Variants in PSPC1 observed in about 807,000 individuals in gnomAD.
The protein encoded by PSPC1 is paraspeckle component 1.
In PSPC1, 14 loss-of-function variants were observed where a neutral mutation model predicts 51.6. That is an observed-to-expected ratio of 0.27 (90% CI 0.18 to 0.42). The LOEUF (loss-of-function observed/expected upper bound fraction) is 0.42, where lower values mean the gene tolerates loss of function less well. Ranked by LOEUF, PSPC1 falls within the 10% of genes least tolerant of loss-of-function variation. The probability of loss-of-function intolerance (pLI) is 1.00; values close to 1 mark genes in which losing one functional copy is unlikely to be tolerated. For missense variants in PSPC1, 406 were observed against 701.1 expected (o/e 0.58, Z 4.75); for synonymous variants, 193 against 231.9 (o/e 0.83, Z 1.53).
chr13:19,780,977 C>T (rs1003833216), intron 1 of PSPC1, among the ~76,000 whole-genome samples: 1 of 151,690 alleles, frequency 6.6e-6, no homozygotes, highest in Non-Finnish European at 1.5e-5. Context: ...GACAACATGG[C>T]GAAACACCGC....
At chr13:19,716,013 C>CA (rs1462995418) in intron 6 of PSPC1, among the ~76,000 whole-genome samples, 1 of 149,992 alleles carries the variant, frequency 6.7e-6, no homozygotes, top group East Asian at 1.9e-4. Context: ...GACTCCGTCT[C>CA]AAAAAAATAA....
intron 6 of PSPC1, among the ~76,000 whole-genome samples, chr13:19,728,850 G>T (rs1341459285): frequency 1.3e-5 from 2 of 152,078 alleles, no homozygotes; most frequent in African/African-American, 4.8e-5. Flanking sequence ...AAAGTTAAGA[G>T]CATAGTAACT....
intron 6 of PSPC1, among the ~76,000 whole-genome samples, chr13:19,722,950 A>G (rs1882953187): frequency 6.6e-6 from 1 of 152,104 alleles, no homozygotes; most frequent in South Asian, 2.1e-4. Context: ...TCTCTACTAA[A>G]AAATACAAAA....
At chr13:19,730,979 A>AAAAAC (rs1884037281) in intron 5 of PSPC1, among the ~76,000 whole-genome samples, 1 of 138,162 alleles carries the variant, frequency 7.2e-6, no homozygotes, top group African/African-American at 2.6e-5. Context: ...AAAAAAAAAA[A>AAAAAC]CAGAAAAAGT....
intron 4 of PSPC1, among the ~76,000 whole-genome samples, chr13:19,746,960 T>C (rs186824394): frequency 1.3e-5 from 2 of 152,022 alleles, no homozygotes; most frequent in African/African-American, 4.8e-5. Flanking sequence ...AATACAAAAT[T>C]AGCCAGGCGT....
At chr13:19,715,770 T>C (rs1052000428) in intron 6 of PSPC1, among the ~76,000 whole-genome samples, 1 of 152,132 alleles carries the variant, frequency 6.6e-6, no homozygotes, top group Non-Finnish European at 1.5e-5. Context: ...TCCCAGCACT[T>C]TGGGAGGCTG....
intron 1 of PSPC1, among the ~76,000 whole-genome samples, chr13:19,776,080 G>A (rs189188944): frequency 4.9e-4 from 74 of 152,036 alleles, no homozygotes; most frequent in African/African-American, 1.7e-3. Flanking sequence ...ATGAGAATAG[G>A]AAGAAATATG....
At chr13:19,683,303 T>C (rs1877491651) in intron 6 of PSPC1, among the ~76,000 whole-genome samples, 1 of 152,176 alleles carries the variant, frequency 6.6e-6, no homozygotes, top group Non-Finnish European at 1.5e-5. Flanking sequence ...AAATGTGACA[T>C]ATTCATTTAA....
chr13:19,744,141 G>GT (rs1885712141), intron 4 of PSPC1, among the ~76,000 whole-genome samples: 2 of 151,680 alleles, frequency 1.3e-5, no homozygotes, highest in Admixed American at 6.6e-5. Flanking sequence ...TACCTTTTTT[G>GT]TTTTTTCTCT....
At position 19,772,435 on chromosome 13, in the gene PSPC1, T is replaced by C; in HGVS notation, c.481A>G (p.Lys161Glu). 6.2e-7 allele frequency: 1 copy of C among 1,614,234 alleles called. No homozygotes were observed. Among genetic ancestry groups the C allele is most frequent in the South Asian group, 1.1e-5 (1 of 91,088 alleles). Residue 161 changes from lysine (K) to glutamate (E), a missense_variant, in exon 2 of 9, where the codon AAG becomes GAG. Physicochemically the swap from Lys to Glu is moderately conservative, Grantham distance 56. Coordinates refer to ENST00000338910, the MANE Select transcript of PSPC1 (RefSeq NM_001354909.2). The part of the protein sequence containing the change: ...FATHGAALTV[K>E]NLSPVVSNEL... ...TTGGAAACAACTGGAGAAAGGTTCT[T>C]GACAGTCAAGGCTGCTCCATGTGTA...
At chr13:19,689,792 T>A (rs1878340257) in intron 6 of PSPC1, among the ~76,000 whole-genome samples, 1 of 152,232 alleles carries the variant, frequency 6.6e-6, no homozygotes, top group Non-Finnish European at 1.5e-5. Flanking sequence ...AGAAAAATGT[T>A]AATCTGGTCT....
chr13:19,681,509 A>G (rs923447568), intron 6 of PSPC1, among the ~76,000 whole-genome samples: 3 of 152,182 alleles, frequency 2.0e-5, no homozygotes, highest in African/African-American at 7.2e-5. Context: ...ACAACATACG[A>G]ATTGTAAAAC....
intron 6 of PSPC1, among the ~76,000 whole-genome samples, chr13:19,683,879 A>C (rs551153559): frequency 1.3e-5 from 2 of 152,288 alleles, no homozygotes; most frequent in African/African-American, 4.8e-5. Context: ...CGTTTCCTGT[A>C]AGTTATCAAA....
chr13:19,772,739 C>A (rs969615223), intron 1 of PSPC1, among the ~76,000 whole-genome samples, 196 bp from the exon 2 acceptor site: 1 of 152,132 alleles, frequency 6.6e-6, no homozygotes, highest in African/African-American at 2.4e-5. Flanking sequence ...TTAAAAGGTC[C>A]CAACTCCATT....
chr13:19,691,664 A>G (rs1878564681), intron 6 of PSPC1, among the ~76,000 whole-genome samples: 2 of 152,172 alleles, frequency 1.3e-5, no homozygotes, highest in South Asian at 4.1e-4. Context: ...ATTGCCTGTA[A>G]TCCTAGCACT....
At chr13:19,766,141 G>A (rs1888047513) in intron 2 of PSPC1, among the ~76,000 whole-genome samples, 1 of 152,188 alleles carries the variant, frequency 6.6e-6, no homozygotes, top group Admixed American at 6.6e-5. Context: ...GGGAGGCTGA[G>A]GCAGGCGGAT....
chr13:19,762,235 C>T (rs1887664371), intron 2 of PSPC1, among the ~76,000 whole-genome samples: 1 of 152,172 alleles, frequency 6.6e-6, no homozygotes, highest in Admixed American at 6.5e-5. Context: ...CCTACAATTC[C>T]ACTTCTGAAG....
In PSPC1 at chr13:19,779,966, T is replaced by A. The variant is rs1306188008; in HGVS notation, c.372+2420A>T. Among the ~76,000 whole-genome samples the A allele has an allele frequency of 1.5e-4, 15 of 98,372 alleles. No individual in the cohort carries two copies. The South Asian group carries it at 4.8e-3, about 32-fold the overall frequency. The allele number at this position is 98,372 out of a possible 152,430, so 64.5% of individuals were successfully genotyped here. ...CCCGTCCGGGAGGGAGGTGGGGGGGTCGGCCCCCCGCCCGGCCAGCCGCCC... is the reference window on the plus strand; with the variant it reads ...CCCGTCCGGGAGGGAGGTGGGGGGGACGGCCCCCCGCCCGGCCAGCCGCCC... On this transcript the variant is annotated intron_variant, in intron 1 of 8. Coordinates refer to ENST00000338910, the MANE Select transcript of PSPC1 (RefSeq NM_001354909.2).
intron 2 of PSPC1, among the ~76,000 whole-genome samples, chr13:19,761,460 G>GA (rs1327105365): frequency 6.6e-6 from 1 of 152,054 alleles, no homozygotes; most frequent in Admixed American, 6.6e-5. Context: ...GCTTCAGAGA[G>GA]AAAAAACTAA....
Sources: gnomAD v4.1 joint callset for allele counts (sites outside exome capture counted in the v4.1 genomes callset) on GRCh38, gnomAD v4.1.1 for gene constraint, MANE v1.5 for transcripts, NCBI Gene and HGNC (gene_info 2026-07-23, HGNC 2026-07-21) for gene names.